POU6F2: variants seen among roughly 807,000 people sequenced by gnomAD.
POU6F2 encodes the protein POU class 6 homeobox 2.
POU6F2 carries 31 observed loss-of-function variants against 71.3 expected under a neutral mutation model. That is an observed-to-expected ratio of 0.43 (90% CI 0.33 to 0.59). The LOEUF (loss-of-function observed/expected upper bound fraction) is 0.59. Among genes scored for constraint, POU6F2 ranks in the 20% least tolerant of loss-of-function variants. POU6F2 has a pLI of 0.04. For missense variants in POU6F2, 783 were observed against 856.8 expected (o/e 0.91, Z 1.07); for synonymous variants, 347 against 355.7 (o/e 0.98, Z 0.27).
intron 2 of POU6F2, among the ~76,000 whole-genome samples, chr7:39,136,074 T>C (rs1792382907): frequency 6.6e-6 from 1 of 152,172 alleles, no homozygotes; most frequent in Non-Finnish European, 1.5e-5. Context: ...CAAAATTTTA[T>C]TGAGCAATAT....
chr7:39,002,257 C>T (rs1171533089), intron 1 of POU6F2, among the ~76,000 whole-genome samples: 2 of 152,156 alleles, frequency 1.3e-5, no homozygotes, highest in Non-Finnish European at 2.9e-5. Flanking sequence ...TCTGCTCTTC[C>T]TTAGGCAAAA....
At chr7:39,198,639 T>C (rs1002138316) in intron 2 of POU6F2, among the ~76,000 whole-genome samples, 5 of 152,240 alleles carry the variant, frequency 3.3e-5, no homozygotes, top group Non-Finnish European at 7.3e-5. Flanking sequence ...TAATGAATGT[T>C]TGATTTCCAA....
At chr7:39,309,165 A>G (rs1785107968) in intron 4 of POU6F2, among the ~76,000 whole-genome samples, 1 of 152,216 alleles carries the variant, frequency 6.6e-6, no homozygotes, top group South Asian at 2.1e-4. Context: ...GAATATAGCG[A>G]GAACGAAAAG....
intron 2 of POU6F2, among the ~76,000 whole-genome samples, chr7:39,116,073 C>T (rs544932704): frequency 3.3e-5 from 5 of 152,284 alleles, no homozygotes; most frequent in African/African-American, 1.2e-4. Context: ...CTCCTGCACT[C>T]AGGGCAAGCT....
At chr7:39,073,582 C>T (rs192010132) in intron 1 of POU6F2, among the ~76,000 whole-genome samples, 27 of 152,258 alleles carry the variant, frequency 1.8e-4, no homozygotes, top group Admixed American at 1.6e-3. Flanking sequence ...AAGGGTCACC[C>T]TTGGAATATT....
intron 2 of POU6F2, among the ~76,000 whole-genome samples, chr7:39,165,887 C>A (rs1793103587): frequency 6.6e-6 from 1 of 152,114 alleles, no homozygotes; most frequent in Non-Finnish European, 1.5e-5. Flanking sequence ...TTTCTCAGTC[C>A]CAAACTTTCC....
At chr7:39,280,944 G>A (rs150914086) in intron 4 of POU6F2, among the ~76,000 whole-genome samples, 106 of 152,252 alleles carry the variant, frequency 7.0e-4, no homozygotes, top group African/African-American at 2.4e-3. Context: ...GCCAGAAACC[G>A]GAGCACCCTC....
intron 5 of POU6F2, among the ~76,000 whole-genome samples, chr7:39,379,299 T>C (rs953922013): frequency 1.2e-4 from 18 of 152,350 alleles, no homozygotes; most frequent in African/African-American, 4.1e-4. Context: ...TTAAAATCTC[T>C]TCTGGTGGAA....
chr7:38,991,691 A>T (rs780154557), intron 1 of POU6F2, among the ~76,000 whole-genome samples: 3 of 152,098 alleles, frequency 2.0e-5, no homozygotes, highest in Non-Finnish European at 4.4e-5. Flanking sequence ...CTTCCAGCCA[A>T]TTTTTTTCAG....
intron 1 of POU6F2, among the ~76,000 whole-genome samples, chr7:39,000,875 C>T (rs1034547658): frequency 6.6e-6 from 1 of 152,126 alleles, no homozygotes; most frequent in African/African-American, 2.4e-5. Context: ...ACACCTTGGT[C>T]CTTGGCAAGC....
chr7:39,292,127 T>C (rs2128762390), intron 4 of POU6F2, among the ~76,000 whole-genome samples: 1 of 152,308 alleles, frequency 6.6e-6, no homozygotes, highest in South Asian at 2.1e-4. Context: ...GGGATATTTT[T>C]TATGTGGCTG....
chr7:39,221,603 G>T (rs1428100427), intron 4 of POU6F2, among the ~76,000 whole-genome samples: 1 of 151,924 alleles, frequency 6.6e-6, no homozygotes, highest in Non-Finnish European at 1.5e-5. Context: ...GGCCAGGCTG[G>T]TCTCGAACTC....
At chr7:39,431,571 G>A (rs763219230) in intron 6 of POU6F2, among the ~76,000 whole-genome samples, 3 of 152,212 alleles carry the variant, frequency 2.0e-5, no homozygotes, top group Non-Finnish European at 4.4e-5. Context: ...GACACACAGT[G>A]TGTTTTCTAA....
intron 5 of POU6F2, among the ~76,000 whole-genome samples, chr7:39,399,951 G>A (rs1161554581): frequency 6.6e-6 from 1 of 152,136 alleles, no homozygotes; most frequent in East Asian, 1.9e-4. Context: ...AGTTTGGGGT[G>A]TACCACCCTC....
intron 1 of POU6F2, among the ~76,000 whole-genome samples, chr7:39,053,535 G>A (rs1006223972): frequency 6.6e-6 from 1 of 151,988 alleles, no homozygotes; most frequent in African/African-American, 2.4e-5. Flanking sequence ...TAAAGAGTGA[G>A]TTACTTAAAA....
intron 1 of POU6F2, among the ~76,000 whole-genome samples, chr7:39,080,830 A>G (rs1044708681): frequency 4.6e-5 from 7 of 152,322 alleles, no homozygotes; most frequent in Admixed American, 1.3e-4. Flanking sequence ...TTATCTCGCT[A>G]TCTTTAGTTT....
intron 4 of POU6F2, among the ~76,000 whole-genome samples, chr7:39,332,615 T>C (rs1362962972): frequency 1.3e-5 from 2 of 152,226 alleles, no homozygotes; most frequent in African/African-American, 4.8e-5. Context: ...TTGAAGGCAT[T>C]GGTCCTCTGA....
intron 2 of POU6F2, among the ~76,000 whole-genome samples, chr7:39,140,547 G>A (rs1792475284): frequency 6.6e-6 from 1 of 152,118 alleles, no homozygotes; most frequent in Non-Finnish European, 1.5e-5. Flanking sequence ...ATTGGCTTGT[G>A]GCCACATCAT....
At chr7:39,351,308 G>A (rs1001675407) in intron 5 of POU6F2, among the ~76,000 whole-genome samples, 41 of 152,230 alleles carry the variant, frequency 2.7e-4, no homozygotes, top group African/African-American at 7.9e-4. Context: ...CATCATTTGT[G>A]CTCTACCCCT....
Sources: gnomAD v4.1 joint callset for allele counts (sites outside exome capture counted in the v4.1 genomes callset) on GRCh38, gnomAD v4.1.1 for gene constraint, MANE v1.5 for transcripts, NCBI Gene and HGNC (gene_info 2026-07-23, HGNC 2026-07-21) for gene names.